TENM3: variants seen among roughly 807,000 people sequenced by gnomAD.
TENM3 encodes the protein teneurin transmembrane protein 3.
In TENM3, 63 loss-of-function variants were observed where a neutral mutation model predicts 255.1. The ratio of observed to expected loss-of-function variants is 0.25; its 90% CI spans 0.20 to 0.30. The LOEUF is 0.30. Ranked by LOEUF, TENM3 falls within the 10% of genes least tolerant of loss-of-function variation. The pLI is 1.00. For missense variants in TENM3, 2,929 were observed against 3,461.1 expected (o/e 0.85, Z 3.86); for synonymous variants, 1,306 against 1,322.3 (o/e 0.99, Z 0.27).
the TENM3 span, among the ~76,000 whole-genome samples, chr4:182,013,448 G>C: frequency 6.6e-6 from 1 of 152,208 alleles, no homozygotes; most frequent in Non-Finnish European, 1.5e-5. Context: ...AGTGACAGAA[G>C]AATATCAGTA....
chr4:181,954,325 T>C, the TENM3 span, among the ~76,000 whole-genome samples: 1 of 152,224 alleles, frequency 6.6e-6, no homozygotes, highest in Non-Finnish European at 1.5e-5. Context: ...TAAATATATG[T>C]TAATTTTATA....
At chr4:182,390,278 TTAA>T (rs1294776925) in intron 3 of TENM3, among the ~76,000 whole-genome samples, 1 of 152,224 alleles carries the variant, frequency 6.6e-6, no homozygotes, top group Admixed American at 6.5e-5. Flanking sequence ...GGAGAGCAGC[TTAA>T]TAATTTATTA....
chr4:182,623,338 C>A (rs1314849187), intron 4 of TENM3, among the ~76,000 whole-genome samples: 1 of 150,128 alleles, frequency 6.7e-6, no homozygotes, highest in African/African-American at 2.5e-5. Context: ...GAGTCTTACT[C>A]TGTCACCAGG....
intron 6 of TENM3, among the ~76,000 whole-genome samples, chr4:182,657,999 C>T (rs1208169505): frequency 6.6e-6 from 1 of 152,168 alleles, no homozygotes; most frequent in Non-Finnish European, 1.5e-5. Flanking sequence ...ACTTTGATCA[C>T]TTCTCTGCCT....
the TENM3 span, among the ~76,000 whole-genome samples, chr4:181,638,344 T>G: frequency 3.9e-4 from 60 of 152,338 alleles, 1 homozygote; most frequent in Admixed American, 2.6e-4. Flanking sequence ...TCAGCAAGTA[T>G]GTACAGATAA....
At chr4:181,772,362 A>G in the TENM3 span, among the ~76,000 whole-genome samples, 1 of 152,036 alleles carries the variant, frequency 6.6e-6, no homozygotes, top group South Asian at 2.1e-4. Context: ...TGGGTCACAG[A>G]GTGAGACTCC....
At chr4:181,720,975 C>T in the TENM3 span, among the ~76,000 whole-genome samples, 91 of 152,174 alleles carry the variant, frequency 6.0e-4, no homozygotes, top group African/African-American at 2.1e-3. Flanking sequence ...GATGCCAAAA[C>T]AGGGCCTGCC....
intron 18 of TENM3, among the ~76,000 whole-genome samples, chr4:182,741,425 G>T (rs376771622): frequency 6.6e-6 from 1 of 152,186 alleles, no homozygotes; most frequent in Non-Finnish European, 1.5e-5. Context: ...TCGTGCGGGC[G>T]CCCTGAAACA....
At chr4:182,128,742 A>T in the TENM3 span, among the ~76,000 whole-genome samples, 4 of 152,200 alleles carry the variant, frequency 2.6e-5, no homozygotes, top group African/African-American at 9.7e-5. Context: ...TTTCTCCTAA[A>T]TTTATCATTA....
At chr4:182,177,617 T>A (rs199913087) in intron 1 of TENM3, among the ~76,000 whole-genome samples, 34,162 of 145,364 alleles carry the variant, frequency 0.24, 4,588 homozygotes, top group Non-Finnish European at 0.32. Context: ...TATATATATT[T>A]TTTTTTTTTT....
At chr4:181,978,197 C>T in the TENM3 span, among the ~76,000 whole-genome samples, 2 of 152,124 alleles carry the variant, frequency 1.3e-5, no homozygotes, top group African/African-American at 4.8e-5. Flanking sequence ...TGGAAGGGTC[C>T]TGTGGCATGA....
At chr4:181,542,563 G>A in the TENM3 span, among the ~76,000 whole-genome samples, 1 of 152,172 alleles carries the variant, frequency 6.6e-6, no homozygotes, top group Non-Finnish European at 1.5e-5. Flanking sequence ...AAGTGGGGAT[G>A]GAGAGAAGCA....
Position 182,600,919 on chromosome 4 carries a change from T to TC in TENM3, c.512-5_512-4insC. 1 of 1,339,462 alleles carries TC rather than the reference T, an allele frequency of 7.5e-7. No homozygotes were observed. Among genetic ancestry groups the TC allele is most frequent in the Non-Finnish European group, 1.0e-6 (1 of 984,962 alleles). The allele number at this position is 1,339,462 out of a possible 1,614,324, so 83.0% of individuals were successfully genotyped here. On this transcript the variant is annotated splice_region_variant and splice_polypyrimidine_tract_variant and intron_variant, in intron 3 of 27. Transcript: ENST00000511685. The stretch of plus-strand genomic sequence containing the variant: ...TTTCTTTTTTTTTTTTTTTTTTTTT[T>TC]TCAGAGCAACCTGCAAGCAATCAAG...
chr4:181,793,431 A>C, the TENM3 span, among the ~76,000 whole-genome samples: 1 of 152,180 alleles, frequency 6.6e-6, no homozygotes, highest in African/African-American at 2.4e-5. Context: ...CCCATTTTGC[A>C]GCTCTCCACA....
At chr4:181,781,032 G>A in the TENM3 span, among the ~76,000 whole-genome samples, 1 of 152,174 alleles carries the variant, frequency 6.6e-6, no homozygotes, top group Non-Finnish European at 1.5e-5. Flanking sequence ...TAGCCTTGTA[G>A]TGTAGTTTGA....
At chr4:181,948,609 G>C in the TENM3 span, among the ~76,000 whole-genome samples, 1 of 151,948 alleles carries the variant, frequency 6.6e-6, no homozygotes, top group Non-Finnish European at 1.5e-5. Context: ...GTAGCGACAG[G>C]GTTTCACCAT....
the TENM3 span, among the ~76,000 whole-genome samples, chr4:181,792,767 C>T: frequency 8.9e-3 from 1,347 of 152,164 alleles, 20 homozygotes; most frequent in African/African-American, 0.031. Flanking sequence ...TTTCAAAACC[C>T]TCCTTTATTT....
the TENM3 span, among the ~76,000 whole-genome samples, chr4:182,107,195 A>C: frequency 8.3e-5 from 12 of 144,746 alleles, no homozygotes; most frequent in Non-Finnish European, 7.8e-5. Flanking sequence ...CACTACACAG[A>C]GTGGATTTAT....
chr4:181,714,894 A>C, the TENM3 span, among the ~76,000 whole-genome samples: 1 of 152,238 alleles, frequency 6.6e-6, no homozygotes, highest in South Asian at 2.1e-4. Context: ...GCAAAGTTTT[A>C]AAATCTACAA....
Sources: allele counts gnomAD v4.1 joint callset (sites outside exome capture counted in the v4.1 genomes callset), GRCh38; gene constraint gnomAD v4.1.1; transcripts MANE v1.5; gene names NCBI Gene and HGNC (gene_info 2026-07-23, HGNC 2026-07-21).